Variants in PDE3A observed in about 807,000 individuals in gnomAD.
PDE3A encodes the protein phosphodiesterase 3A.
A neutral mutation model predicts 98.3 loss-of-function variants in PDE3A; 43 were observed. That is an observed-to-expected ratio of 0.44 (90% CI 0.34 to 0.56). The LOEUF (loss-of-function observed/expected upper bound fraction) is 0.56. Ranked by LOEUF, PDE3A falls within the 20% of genes least tolerant of loss-of-function variation. PDE3A has a pLI of 0.01. For synonymous variants in PDE3A, 663 were observed against 567.9 expected, an observed-to-expected ratio of 1.17 and a Z score of -2.38; for missense variants, 1,427 against 1,440.7, an observed-to-expected ratio of 0.99 and a Z score of 0.15.
At chr12:20,411,274 C>A (rs1944327929) in intron 1 of PDE3A, among the ~76,000 whole-genome samples, 1 of 152,160 alleles carries the variant, frequency 6.6e-6, no homozygotes, top group Non-Finnish European at 1.5e-5. Context: ...AACTGAAACA[C>A]TGTACCCACT....
intron 1 of PDE3A, among the ~76,000 whole-genome samples, chr12:20,515,256 C>T (rs970798778): frequency 4.6e-5 from 7 of 152,164 alleles, no homozygotes; most frequent in African/African-American, 1.7e-4. Flanking sequence ...TGTTAAGGGC[C>T]TACTGCCTGG....
chr12:20,590,523 G>A (rs536525508), intron 2 of PDE3A, among the ~76,000 whole-genome samples: 4 of 150,910 alleles, frequency 2.7e-5, no homozygotes, highest in South Asian at 2.1e-4. Flanking sequence ...GCTTCTAATC[G>A]CAGCACTTTG....
chr12:20,556,694 G>A lies in PDE3A; in HGVS notation c.995G>A (p.Gly332Glu). 2 of 1,609,568 alleles carry A rather than the reference G, an allele frequency of 1.2e-6. No homozygotes were observed. The highest frequency in any genetic ancestry group is 2.2e-5 in the South Asian group (2 of 90,832). Residue 332 changes from glycine to glutamate, a missense_variant, in exon 2 of 16, where the codon GGG becomes GAG. By Grantham distance (98) the Gly-to-Glu change is moderately conservative. Around this residue, in one of 3 missense-constraint regions of PDE3A, gnomAD observed 1,012 missense variants for 886.5 expected, o/e 1.14. Transcript: ENST00000359062. The stretch of plus-strand genomic sequence containing the variant: ...CATTCAGAATGGGACCACAAACGAG[G>A]GCCAAGAGGATCACAGGTAAGTTTC... The part of the protein sequence containing the change: ...MGHSEWDHKR[G>E]PRGSQSSGTS...
intron 15 of PDE3A, among the ~76,000 whole-genome samples, chr12:20,676,349 G>GT (rs1476808089): frequency 3.3e-5 from 5 of 152,072 alleles, no homozygotes; most frequent in East Asian, 1.9e-4. Flanking sequence ...TGGGTATATG[G>GT]TTTTTTCTTT....
chr12:20,574,076 T>A (rs1565593338), intron 2 of PDE3A, among the ~76,000 whole-genome samples: 2 of 152,104 alleles, frequency 1.3e-5, no homozygotes, highest in East Asian at 3.8e-4. Context: ...GCTTTCTACT[T>A]CACCACATTT....
At chr12:20,435,606 C>T (rs1944767374) in intron 1 of PDE3A, among the ~76,000 whole-genome samples, 1 of 152,080 alleles carries the variant, frequency 6.6e-6, no homozygotes, top group South Asian at 2.1e-4. Context: ...GAGTATGGTT[C>T]CTGGATCTAA....
intron 2 of PDE3A, among the ~76,000 whole-genome samples, chr12:20,612,007 C>A (rs531867467): frequency 3.3e-5 from 5 of 151,730 alleles, no homozygotes; most frequent in Non-Finnish European, 7.4e-5. Flanking sequence ...AGAAGTATTT[C>A]TTTCGACCAG....
intron 10 of PDE3A, among the ~76,000 whole-genome samples, chr12:20,641,244 CAGTTGGAGTACGGGAAAG>C (rs1592139295): frequency 6.6e-6 from 1 of 152,034 alleles, no homozygotes; most frequent in East Asian, 1.9e-4. Flanking sequence ...CAGAGTAAGG[CAGTTGGAGTACGGGAAAG>C]AGGAGCTCAA....
chr12:20,470,758 T>C (rs979213407), intron 1 of PDE3A, among the ~76,000 whole-genome samples: 7 of 152,278 alleles, frequency 4.6e-5, no homozygotes, highest in Admixed American at 4.6e-4. Flanking sequence ...TGCTGTGGGT[T>C]GCATTGTGTC....
At chr12:20,608,066 C>T (rs1468408869) in intron 2 of PDE3A, among the ~76,000 whole-genome samples, 2 of 150,368 alleles carry the variant, frequency 1.3e-5, no homozygotes, top group African/African-American at 2.4e-5. Context: ...AACCAAAACC[C>T]CTCTCCCTTA....
chr12:20,453,335 G>T (rs1056948600), intron 1 of PDE3A, among the ~76,000 whole-genome samples: 3 of 151,796 alleles, frequency 2.0e-5, no homozygotes, highest in Non-Finnish European at 4.4e-5. Flanking sequence ...CATCATGCCC[G>T]GCTAATTTTT....
intron 13 of PDE3A, among the ~76,000 whole-genome samples, chr12:20,649,362 A>G (rs1944863332): frequency 6.6e-6 from 1 of 152,208 alleles, no homozygotes. Context: ...CCAGAAGCAG[A>G]CATATAGGTA....
chr12:20,584,416 C>T (rs1438302668), intron 2 of PDE3A, among the ~76,000 whole-genome samples: 4 of 152,124 alleles, frequency 2.6e-5, no homozygotes, highest in Admixed American at 2.6e-4. Flanking sequence ...GTATAAGTCT[C>T]CTACCTCCAG....
chr12:20,394,666 C>T (rs544960234), intron 1 of PDE3A, among the ~76,000 whole-genome samples: 16 of 152,122 alleles, frequency 1.1e-4, no homozygotes, highest in African/African-American at 3.6e-4. Flanking sequence ...GAAGAAAATA[C>T]GATTTTAAAC....
Position 20,552,619 on chromosome 12 carries a change from C to T in PDE3A, c.961-4041C>T, listed in dbSNP as rs117966728. 0.035 allele frequency: 56,654 copies of T among 1,613,554 alleles called. 1,176 individuals are homozygous for T. The highest frequency in any genetic ancestry group is 0.065 in the Middle Eastern group (391 of 6,062). ...CCCGAGCAGGGCCGGGTCCCCGCGC[C>T]GGACATCCAAGAAAACCAAGGTGGA... On this transcript the variant is annotated intron_variant, in intron 1 of 15. Transcript: ENST00000359062. This position sits in a 1 kb window ranked among gnomAD's most constrained non-coding sequence, Gnocchi z 5.1.
intron 1 of PDE3A, among the ~76,000 whole-genome samples, chr12:20,523,599 T>G (rs1946467324): frequency 6.6e-6 from 1 of 152,200 alleles, no homozygotes. Flanking sequence ...TTTCTTAATG[T>G]TGAATTCAAA....
chr12:20,406,346 A>G (rs539731988), intron 1 of PDE3A, among the ~76,000 whole-genome samples: 1 of 152,232 alleles, frequency 6.6e-6, no homozygotes, highest in East Asian at 1.9e-4. Context: ...TTACATTCCC[A>G]CTAACAGCAT....
intron 12 of PDE3A, among the ~76,000 whole-genome samples, chr12:20,647,887 C>T (rs911442815): frequency 1.1e-4 from 16 of 151,990 alleles, no homozygotes; most frequent in East Asian, 9.7e-4. Flanking sequence ...TTATTTTACA[C>T]GTCTACATTT....
chr12:20,590,692 G>C (rs575606657), intron 2 of PDE3A, among the ~76,000 whole-genome samples: 1 of 152,034 alleles, frequency 6.6e-6, no homozygotes, highest in Admixed American at 6.6e-5. Flanking sequence ...CAGAGTGATG[G>C]GAATTTTAAA....
Sources: gnomAD v4.1 joint callset for allele counts (sites outside exome capture counted in the v4.1 genomes callset) on GRCh38, gnomAD v4.1.1 for gene constraint, gnomAD v4.1.1 regional missense constraint, Gnocchi (gnomAD v3.1) non-coding constraint, MANE v1.5 for transcripts, NCBI Gene and HGNC (gene_info 2026-07-23, HGNC 2026-07-21) for gene names.